The following CIB4 variants were observed in gnomAD, a reference collection of about 807,000 sequenced individuals.
The protein encoded by CIB4 is calcium and integrin-binding family member 4.
CIB4 carries 25 observed loss-of-function variants against 25.8 expected under a neutral mutation model. The observed-to-expected ratio is 0.97, with a 90% confidence interval of 0.71 to 1.35. CIB4 has a LOEUF of 1.35. Ranked by LOEUF, CIB4 falls within the 40% of genes most tolerant of loss-of-function variation. The pLI is 0.00. For synonymous variants in CIB4, 75 were observed against 81.4 expected, an observed-to-expected ratio of 0.92 and a Z score of 0.42; for missense variants, 235 against 228.2, an observed-to-expected ratio of 1.03 and a Z score of -0.19.
rs75374194 is a variant in CIB4, at chr2:26,610,976, C to T, written c.187-15659G>A. Among the ~76,000 whole-genome samples the T allele has an allele frequency of 9.8e-3, 1,500 of 152,328 alleles. 10 individuals carry two copies. Among genetic ancestry groups the T allele is most frequent in the Non-Finnish European group, 0.016 (1,065 of 68,022 alleles). ...AAAATACACATGGGTGTCATACTCCCGGGCTAGCAAACAAGCCCAGGCTGA... is the reference window on the plus strand; with the variant it reads ...AAAATACACATGGGTGTCATACTCCTGGGCTAGCAAACAAGCCCAGGCTGA... On this transcript the variant is annotated intron_variant, in intron 3 of 6. Transcript: ENST00000288861.
At chr2:26,640,331 T>C (rs1669610727) in intron 2 of CIB4, among the ~76,000 whole-genome samples, 1 of 152,266 alleles carries the variant, frequency 6.6e-6, no homozygotes, top group Admixed American at 6.5e-5. Flanking sequence ...GCCTGGTGTC[T>C]CATTCAGCTC....
At position 26,589,080 on chromosome 2, in the gene CIB4, CTTCTTCTTCTTCT is replaced by C. The variant is rs1558554964; in HGVS notation, c.329-5195_329-5183del. Reference sequence around the variant, plus strand: ...TCTTCCTCTTCCTCTTCCTCTTCTTCTTCTTCTTCTTCTTCTTCTTCTTCTTCCTCTTCTTCTT... The same window carrying C: ...TCTTCCTCTTCCTCTTCCTCTTCTTCTCTTCTTCTTCTTCCTCTTCTTCTT... On this transcript the variant is annotated intron_variant, in intron 4 of 6. Coordinates refer to ENST00000288861, the MANE Select transcript of CIB4 (RefSeq NM_001029881.3). Among the ~76,000 whole-genome samples, 11 of 86,412 alleles carry C rather than the reference CTTCTTCTTCTTCT, an allele frequency of 1.3e-4. 1 individual carries two copies. The highest frequency in any genetic ancestry group is 6.8e-4 in the African/African-American group (10 of 14,642). 56.7% of individuals were successfully genotyped at this position (86,412 alleles called of 152,430 possible). A position where few individuals can be genotyped will look rare whatever the true frequency, so the allele number is the denominator to read the frequency against.
At chr2:26,634,969 T>G (rs1025380948) in intron 2 of CIB4, among the ~76,000 whole-genome samples, 3 of 152,088 alleles carry the variant, frequency 2.0e-5, no homozygotes, top group Non-Finnish European at 2.9e-5. Flanking sequence ...TGGGCTGGAG[T>G]CAGGCTGTGC....
chr2:26,640,627 G>A, intron 1 of CIB4, 60 bp from the exon 2 acceptor site: 1 of 1,545,340 alleles, frequency 6.5e-7, no homozygotes, highest in Non-Finnish European at 8.8e-7. Context: ...GTGGCCCCTG[G>A]GGAGTGGCGC....
At chr2:26,626,278 C>T (rs1185789008) in intron 3 of CIB4, among the ~76,000 whole-genome samples, 1 of 151,946 alleles carries the variant, frequency 6.6e-6, no homozygotes, top group Non-Finnish European at 1.5e-5. Context: ...GCCTGGTGCC[C>T]TATCCCTAGT....
At chr2:26,623,273 A>G (rs972487109) in intron 3 of CIB4, 16 of 174,006 alleles carry the variant, frequency 9.2e-5, no homozygotes, top group South Asian at 1.9e-4. Context: ...AGCCCCAGAG[A>G]TTGAGGCTGC....
intron 3 of CIB4, among the ~76,000 whole-genome samples, chr2:26,615,058 G>A (rs894395905): frequency 6.6e-6 from 1 of 152,186 alleles, no homozygotes; most frequent in Non-Finnish European, 1.5e-5. Context: ...GCAGTTGCCA[G>A]TGCTGGTTTG....
At chr2:26,598,387 ATGACTCTG>A (rs1226834553) in intron 3 of CIB4, among the ~76,000 whole-genome samples, 5 of 152,218 alleles carry the variant, frequency 3.3e-5, no homozygotes, top group African/African-American at 9.6e-5. Flanking sequence ...CCGGCTAAAA[ATGACTCTG>A]TGACTCTGTG....
At position 26,627,271 on chromosome 2, in the gene CIB4, C is replaced by T. The variant is rs1419179370; in HGVS notation, c.186+2139G>A. Among the ~76,000 whole-genome samples, 1 of 152,152 alleles carries T rather than the reference C, an allele frequency of 6.6e-6. No homozygotes were observed. The highest frequency in any genetic ancestry group is 1.5e-5 in the Non-Finnish European group (1 of 68,020). On this transcript the variant is annotated intron_variant, in intron 3 of 6. Coordinates refer to ENST00000288861, the MANE Select transcript of CIB4 (RefSeq NM_001029881.3). This position sits in a 1 kb window ranked among gnomAD's most constrained non-coding sequence, Gnocchi z 4.0. ...CTGGGCCAGAGTTCAAGCTGACTCC[C>T]CCAGAGCAGGAACTAGTCCAGACTC...
At chr2:26,585,932 T>C (rs1668443754) in intron 4 of CIB4, among the ~76,000 whole-genome samples, 1 of 152,024 alleles carries the variant, frequency 6.6e-6, no homozygotes, top group Non-Finnish European at 1.5e-5. Flanking sequence ...GTGGGACTCT[T>C]CAGGACTCTT....
intron 3 of CIB4, 114 bp downstream of exon 3, chr2:26,629,296 G>T: frequency 1.4e-6 from 1 of 692,714 alleles, no homozygotes; most frequent in South Asian, 1.7e-5. Flanking sequence ...TTGGAGTGAG[G>T]TGACCATCCC....
At chr2:26,607,415 C>T (rs1432732641) in intron 3 of CIB4, among the ~76,000 whole-genome samples, 2 of 152,146 alleles carry the variant, frequency 1.3e-5, no homozygotes, top group Non-Finnish European at 2.9e-5. Context: ...AAAACTTACC[C>T]GTATTGTAGA....
chr2:26,601,313 A>C (rs1392978326), intron 3 of CIB4, among the ~76,000 whole-genome samples: 1 of 149,630 alleles, frequency 6.7e-6, no homozygotes. Flanking sequence ...GTATTTGTTC[A>C]AGGATAGACA....
At chr2:26,595,363 G>A (rs778314502) in intron 3 of CIB4, 46 bp from the exon 4 acceptor site, 2 of 1,590,716 alleles carry the variant, frequency 1.3e-6, no homozygotes, top group South Asian at 1.1e-5. Context: ...CAGGGTCGGG[G>A]CTGTGTCTCC....
At chr2:26,584,353 T>G (rs549210314) in intron 4 of CIB4, among the ~76,000 whole-genome samples, 2 of 152,190 alleles carry the variant, frequency 1.3e-5, no homozygotes, top group Admixed American at 6.5e-5. Context: ...TTTTGGTGGC[T>G]GGGAGCCAGG....
At chr2:26,595,360 G>A (rs753391006) in intron 3 of CIB4, 43 bp from the exon 4 acceptor site, 194 of 1,592,670 alleles carry the variant, frequency 1.2e-4, no homozygotes, top group Admixed American at 2.5e-4. Flanking sequence ...TATCAGGGTC[G>A]GGGCTGTGTC....
In CIB4 at chr2:26,640,530, C is replaced by T. The variant is rs1669615625; in HGVS notation, c.89+3G>A. 1.2e-6 allele frequency: 2 copies of T among 1,613,460 alleles called. No homozygotes were observed. Among genetic ancestry groups the T allele is most frequent in the Non-Finnish European group, 1.7e-6 (2 of 1,179,690 alleles). ...AGGAAAGAGGGGCGGGGCTTCTACT[C>T]ACCACAGAATTTCATTTCTGGTCAG... On this transcript the variant is annotated splice_donor_region_variant and intron_variant, in intron 2 of 6. Coordinates refer to ENST00000288861, the MANE Select transcript of CIB4 (RefSeq NM_001029881.3).
rs1254670877 is a variant in CIB4 at position 26,600,356 on chromosome 2, A to C, written c.187-5039T>G. Among the ~76,000 whole-genome samples, 5 of 152,336 alleles carry C rather than the reference A, an allele frequency of 3.3e-5. No homozygotes were observed. The East Asian group carries it at 7.7e-4, about 23-fold the overall frequency. On this transcript the variant is annotated intron_variant, in intron 3 of 6. Coordinates refer to ENST00000288861, the MANE Select transcript of CIB4 (RefSeq NM_001029881.3). The stretch of plus-strand genomic sequence containing the variant: ...GAGGCAGAGGTTGCAGTGAGCCGAG[A>C]TCGTGCCACTGCACTCCAGCTTGGG...
intron 4 of CIB4, among the ~76,000 whole-genome samples, chr2:26,588,340 G>C (rs553403457): frequency 6.6e-6 from 1 of 152,236 alleles, no homozygotes; most frequent in East Asian, 1.9e-4. Flanking sequence ...CCCTCCTTTG[G>C]GGGTGGCAAG....
Sources: allele counts gnomAD v4.1 joint callset (sites outside exome capture counted in the v4.1 genomes callset), GRCh38; gene constraint gnomAD v4.1.1; non-coding constraint Gnocchi (gnomAD v3.1); transcripts MANE v1.5; gene names NCBI Gene and HGNC (gene_info 2026-07-23, HGNC 2026-07-21).